The following STXBP5L variants were observed in gnomAD, a reference collection of about 807,000 sequenced individuals.
STXBP5L encodes the protein syntaxin binding protein 5L.
In STXBP5L, 65 loss-of-function variants were observed where a neutral mutation model predicts 144.5. The ratio of observed to expected loss-of-function variants is 0.45; its 90% CI spans 0.37 to 0.55. The LOEUF is 0.55. Among genes scored for constraint, STXBP5L ranks in the 20% least tolerant of loss-of-function variants. The pLI is 0.00. For synonymous variants in STXBP5L, 505 were observed against 469.6 expected, an observed-to-expected ratio of 1.08 and a Z score of -0.97; for missense variants, 1,298 against 1,405.5, an observed-to-expected ratio of 0.92 and a Z score of 1.22.
At chr3:121,295,252 G>A (rs992407123) in intron 19 of STXBP5L, among the ~76,000 whole-genome samples, 3 of 152,098 alleles carry the variant, frequency 2.0e-5, no homozygotes, top group African/African-American at 7.2e-5. Context: ...CAAAGCACAG[G>A]TACAAGGACT....
At position 121,005,287 on chromosome 3, in the gene STXBP5L, T is replaced by C. The variant is rs528690072; in HGVS notation, c.288-36413T>C. Among the ~76,000 whole-genome samples, 88 of 152,302 alleles carry C rather than the reference T, an allele frequency of 5.8e-4. No homozygotes were observed. The South Asian group carries it at 0.018, about 31-fold the overall frequency. On this transcript the variant is annotated intron_variant, in intron 3 of 26. Transcript: ENST00000471454. ...TTCCTTATTTAGTCTTGAGAGGGTG[T>C]ATGTGTCCAGGAATTTATCCATTTC...
chr3:120,954,697 A>G (rs1248747688), intron 2 of STXBP5L, among the ~76,000 whole-genome samples: 2 of 152,084 alleles, frequency 1.3e-5, no homozygotes, highest in Non-Finnish European at 2.9e-5. Context: ...CTAGATTGTA[A>G]GACAGATGTA....
At chr3:120,981,872 C>A (rs954569) in intron 3 of STXBP5L, among the ~76,000 whole-genome samples, 72,160 of 151,870 alleles carry the variant, frequency 0.48, 17,745 homozygotes, top group African/African-American at 0.56. Flanking sequence ...TATGATTGTC[C>A]TGTATGTTGT....
chr3:121,147,248 A>G (rs1247610987), intron 7 of STXBP5L, among the ~76,000 whole-genome samples: 1 of 152,142 alleles, frequency 6.6e-6, no homozygotes, highest in Non-Finnish European at 1.5e-5. Flanking sequence ...GATTAAAATA[A>G]TACACAATAT....
At chr3:121,254,622 A>G (rs1271677541) in intron 15 of STXBP5L, among the ~76,000 whole-genome samples, 2 of 152,186 alleles carry the variant, frequency 1.3e-5, no homozygotes, top group South Asian at 2.1e-4. Context: ...TACTTCCTTC[A>G]TGAGACTTTT....
At chr3:120,996,168 C>T (rs915692767) in intron 3 of STXBP5L, among the ~76,000 whole-genome samples, 37 of 151,810 alleles carry the variant, frequency 2.4e-4, no homozygotes, top group African/African-American at 9.0e-4. Context: ...GGCTGCTTTC[C>T]ATATTTTTGT....
At chr3:121,207,700 G>A (rs182428932) in intron 10 of STXBP5L, among the ~76,000 whole-genome samples, 1 of 152,272 alleles carries the variant, frequency 6.6e-6, no homozygotes, top group East Asian at 1.9e-4. Flanking sequence ...CTCAAAAGAA[G>A]ACATTTATAC....
intron 10 of STXBP5L, among the ~76,000 whole-genome samples, chr3:121,208,987 C>T (rs990704356): frequency 6.6e-6 from 1 of 151,928 alleles, no homozygotes; most frequent in Non-Finnish European, 1.5e-5. Context: ...TCTCATTGTT[C>T]GATTCCCAAT....
chr3:121,047,734 G>A (rs905474538), intron 5 of STXBP5L, among the ~76,000 whole-genome samples: 1 of 152,102 alleles, frequency 6.6e-6, no homozygotes, highest in Non-Finnish European at 1.5e-5. Flanking sequence ...TTGAGCCTAT[G>A]GGTGTCATTA....
intron 20 of STXBP5L, among the ~76,000 whole-genome samples, chr3:121,349,686 G>T (rs551187734): frequency 2.8e-4 from 42 of 152,202 alleles, no homozygotes; most frequent in African/African-American, 9.6e-4. Context: ...TCTTCTTGTT[G>T]AATTGATCCC....
At chr3:121,273,411 A>G (rs956408293) in intron 18 of STXBP5L, among the ~76,000 whole-genome samples, 1 of 151,974 alleles carries the variant, frequency 6.6e-6, no homozygotes, top group African/African-American at 2.4e-5. Context: ...GTATGTAACA[A>G]GTTACTATTC....
In STXBP5L at chr3:121,415,893, C is replaced by A. The variant is rs1287915424; in HGVS notation, c.3151C>A (p.Pro1051Thr). ...LGDLFTPIET[P>T]EAQNRGFLKG... ...AGATTTGTTTACTCCCATAGAGACA[C>A]CAGAAGCTCAAAACAGAGGCTTTCT... The change falls in exon 25 of 27, where the codon CCA becomes ACA. Residue 1051 changes from proline (P) to threonine (T), a missense_variant. Transcript: ENST00000471454. The A allele has an allele frequency of 1.2e-6, 2 of 1,613,320 alleles. No homozygotes were observed. The highest frequency in any genetic ancestry group is 1.1e-5 in the South Asian group (1 of 91,044).
At chr3:121,048,787 G>A (rs929189130) in intron 5 of STXBP5L, among the ~76,000 whole-genome samples, 1 of 151,752 alleles carries the variant, frequency 6.6e-6, no homozygotes, top group Non-Finnish European at 1.5e-5. Context: ...CCTGGTTTGA[G>A]CGATTATCCT....
Position 121,421,104 on chromosome 3 carries a change from T to C in STXBP5L, c.*2007T>C, listed in dbSNP as rs1360708696. On this transcript the variant is annotated 3_prime_UTR_variant, in exon 27 of 27. Coordinates refer to ENST00000471454, the MANE Select transcript of STXBP5L (RefSeq NM_001308330.2). ...ATTAAAGAAACTTAAGAGTAGGATCTAGAAAATACTAGTGGCCAAATTGCA... is the reference window on the plus strand; with the variant it reads ...ATTAAAGAAACTTAAGAGTAGGATCCAGAAAATACTAGTGGCCAAATTGCA... 2 of 152,160 alleles carry C rather than the reference T, an allele frequency of 1.3e-5. No individual in the cohort carries two copies. The highest frequency in any genetic ancestry group is 2.9e-5 in the Non-Finnish European group (2 of 68,022). The allele number at this position is 152,160 out of a possible 1,614,324, so 9.4% of individuals were successfully genotyped here.
chr3:120,929,910 T>C (rs190454255), intron 2 of STXBP5L, among the ~76,000 whole-genome samples: 87 of 152,090 alleles, frequency 5.7e-4, no homozygotes, highest in African/African-American at 1.9e-3. Context: ...TGTCCTTTCA[T>C]ATCCCCTTTC....
At chr3:121,280,905 A>G (rs1227230534) in intron 19 of STXBP5L, among the ~76,000 whole-genome samples, 1 of 148,294 alleles carries the variant, frequency 6.7e-6, no homozygotes, top group Non-Finnish European at 1.5e-5. Context: ...GTGTGACCCC[A>G]TCTCTAATAA....
intron 20 of STXBP5L, among the ~76,000 whole-genome samples, chr3:121,354,291 T>A (rs1346675530): frequency 2.6e-5 from 4 of 152,130 alleles, no homozygotes; most frequent in Non-Finnish European, 4.4e-5. Flanking sequence ...TGTTAAAGTC[T>A]CCCATTATTA....
intron 20 of STXBP5L, among the ~76,000 whole-genome samples, chr3:121,345,368 A>G (rs2108594722): frequency 6.6e-6 from 1 of 152,246 alleles, no homozygotes; most frequent in African/African-American, 2.4e-5. Context: ...ATAGTATTCC[A>G]TGCTGTATAT....
At chr3:121,330,596 C>T (rs769552677) in intron 20 of STXBP5L, among the ~76,000 whole-genome samples, 2 of 152,102 alleles carry the variant, frequency 1.3e-5, no homozygotes, top group South Asian at 2.1e-4. Context: ...GAGTACCTCC[C>T]CTGGGTAACT....
Sources: gnomAD v4.1 joint callset for allele counts (sites outside exome capture counted in the v4.1 genomes callset) on GRCh38, gnomAD v4.1.1 for gene constraint, MANE v1.5 for transcripts, NCBI Gene and HGNC (gene_info 2026-07-23, HGNC 2026-07-21) for gene names.